H2BC12: variants seen among roughly 807,000 people sequenced by gnomAD.
H2BC12 encodes the protein histone H2B type 1-K.
A neutral mutation model predicts 6.3 loss-of-function variants in H2BC12; 6 were observed. The ratio of observed to expected loss-of-function variants is 0.95; its 90% CI spans 0.52 to 1.87. The LOEUF (loss-of-function observed/expected upper bound fraction) is 1.87. Among genes scored for constraint, H2BC12 ranks in the 40% most tolerant of loss-of-function variants. The pLI, the probability that H2BC12 is intolerant of heterozygous loss-of-function variation, is 0.01. For missense variants in H2BC12, 119 were observed against 178.4 expected, an observed-to-expected ratio of 0.67 and a Z score of 1.90; for synonymous variants, 132 against 78.5, an observed-to-expected ratio of 1.68 and a Z score of -3.60.
chr6:27,142,809 G>A (rs1239137509), downstream of H2BC12, among the ~76,000 whole-genome samples: 1 of 151,044 alleles, frequency 6.6e-6, no homozygotes, highest in Non-Finnish European at 1.5e-5. Flanking sequence ...ACTAATTTTT[G>A]TATTTTTAGC....
chr6:27,139,351 G>A, the H2BC12 span: 3 of 1,613,744 alleles, frequency 1.9e-6, no homozygotes, highest in African/African-American at 1.3e-5. Flanking sequence ...GGGGAAAGGG[G>A]GTGCCAAGCG....
At position 27,146,466 on chromosome 6, in the gene H2BC12, G is replaced by C. The variant is rs771098474; in HGVS notation, c.333C>G (p.Ala111=). The stretch of plus-strand genomic sequence containing the variant: ...TGACGGCCTTGGTGCCCTCGGACAC[G>C]GCGTGCTTGGCCAACTCCCCGGGCA... The part of the protein sequence containing the change: ...LLLPGELAKH[A]VSEGTKAVTK... Residue 111 remains alanine, a synonymous_variant, in exon 1 of 1, where the codon GCC becomes GCG. Transcript: ENST00000356950. 5.0e-6 allele frequency: 8 copies of C among 1,614,090 alleles called. No homozygotes were observed. Among genetic ancestry groups the C allele is most frequent in the African/African-American group, 1.3e-5 (1 of 74,934 alleles).
Position 27,146,744 on chromosome 6 carries a change from C to A in H2BC12, c.55G>T (p.Val19Leu). Residue 19 changes from valine (V) to leucine (L), a missense_variant, in exon 1 of 1, where the codon GTG becomes TTG. Physicochemically the swap from Val to Leu is conservative, Grantham distance 32. Transcript: ENST00000356950. ...CCGTCCTTCTTCTGCGCCTTAGTCA[C>A]GGCTTTCTTCGAGCCCTTCTTGGGC... ...PAPKKGSKKAVTKAQKKDGKK... is the reference protein window; with the variant it reads ...PAPKKGSKKALTKAQKKDGKK... The A allele has an allele frequency of 6.2e-6, 10 of 1,614,252 alleles. No homozygotes were observed. Among genetic ancestry groups the A allele is most frequent in the Non-Finnish European group, 7.6e-6 (9 of 1,180,042 alleles).
chr6:27,140,769 G>A, the H2BC12 span, among the ~76,000 whole-genome samples: 13 of 151,594 alleles, frequency 8.6e-5, no homozygotes, highest in African/African-American at 2.2e-4. Flanking sequence ...AGATTTTCCC[G>A]CTTTCCTCGG....
downstream of H2BC12, among the ~76,000 whole-genome samples, chr6:27,142,515 C>T (rs1035560703): frequency 6.6e-6 from 1 of 152,014 alleles, no homozygotes; most frequent in Non-Finnish European, 1.5e-5. Flanking sequence ...CCGCCTGCCT[C>T]GGCCTCCCAA....
downstream of H2BC12, among the ~76,000 whole-genome samples, chr6:27,145,266 T>C (rs1051588373): frequency 2.0e-5 from 3 of 148,700 alleles, no homozygotes; most frequent in Non-Finnish European, 4.4e-5. Context: ...CCCCAAAGAC[T>C]AGAACAATGC....
At chr6:27,139,166 T>TA in the H2BC12 span, 1 of 816,476 alleles carries the variant, frequency 1.2e-6, no homozygotes, top group Non-Finnish European at 1.9e-6. Context: ...ACAGCAGGCC[T>TA]GTTTCCCTTT....
downstream of H2BC12, among the ~76,000 whole-genome samples, chr6:27,145,037 T>C (rs1581434738): frequency 6.6e-6 from 1 of 152,148 alleles, no homozygotes; most frequent in Admixed American, 6.6e-5. Flanking sequence ...CTTCAAGTGA[T>C]CTGCCCTCCT....
downstream of H2BC12, among the ~76,000 whole-genome samples, chr6:27,143,846 T>TAAAAAAAAAAAA (rs34292040): frequency 7.0e-4 from 80 of 113,564 alleles, no homozygotes; most frequent in South Asian, 4.9e-3. Flanking sequence ...AACTACTCTT[T>TAAAAAAAAAAAA]AAAAAAAAAA....
rs758542811 is a variant in H2BC12, at chr6:27,146,764, T to G, written c.35A>C (p.Lys12Thr). ...AGTCACGGCTTTCTTCGAGCCCTTC[T>G]TGGGCGCGGGAGCGGACTTCGCTGG... ...PEPAKSAPAP[K>T]KGSKKAVTKA... is the part of the protein sequence containing the mutation. Residue 12 changes from lysine to threonine, a missense_variant, in exon 1 of 1, where the codon AAG becomes ACG. This residue lies in a region of H2BC12 where 50 missense variants were observed against 37.4 expected (regional missense o/e 1.34). Transcript: ENST00000356950. 6.2e-7 allele frequency: 1 copy of G among 1,614,216 alleles called. No individual in the cohort carries two copies.
downstream of H2BC12, among the ~76,000 whole-genome samples, chr6:27,146,114 A>G (rs1360053824): frequency 6.6e-6 from 1 of 152,172 alleles, no homozygotes; most frequent in Non-Finnish European, 1.5e-5. Context: ...GGAAGTATCC[A>G]TTTTCGCGCC....
the H2BC12 span, chr6:27,139,751 A>G: frequency 7.3e-7 from 1 of 1,370,040 alleles, no homozygotes; most frequent in Non-Finnish European, 9.7e-7. Context: ...CTGTCATCCT[A>G]TTTTACAAGA....
In H2BC12 at chr6:27,146,403, G is replaced by A. The variant is rs1554184564; in HGVS notation, c.*15C>T. ...AGCCTTTGGGGTTGGGCTTTAAGAC[G>A]CTTACTTGGCAAGTTTACTTAGCGC... On this transcript the variant is annotated 3_prime_UTR_variant, in exon 1 of 1. Transcript: ENST00000356950. The A allele has an allele frequency of 5.0e-6, 8 of 1,614,190 alleles. No individual in the cohort carries two copies. In the South Asian group the frequency reaches 6.6e-5, roughly 13 times the overall value.
chr6:27,146,150 A>G (rs753885277), downstream of H2BC12, among the ~76,000 whole-genome samples: 15 of 152,222 alleles, frequency 9.9e-5, no homozygotes, highest in Non-Finnish European at 1.9e-4. Context: ...CTTTCTGTTA[A>G]CACAAGTTTC....
downstream of H2BC12, among the ~76,000 whole-genome samples, chr6:27,144,549 G>A (rs1760047214): frequency 6.7e-6 from 1 of 150,302 alleles, no homozygotes; most frequent in Non-Finnish European, 1.5e-5. Context: ...GGTGAAAGCA[G>A]GAGAAAGTTA....
downstream of H2BC12, among the ~76,000 whole-genome samples, chr6:27,144,380 T>C (rs1760043225): frequency 7.1e-6 from 1 of 140,216 alleles, no homozygotes; most frequent in African/African-American, 2.7e-5. Flanking sequence ...GATAATCGCT[T>C]GAACCTGGGA....
chr6:27,138,448 A>G, the H2BC12 span: 1 of 152,226 alleles, frequency 6.6e-6, no homozygotes, highest in Non-Finnish European at 1.5e-5. Flanking sequence ...ACAGTAAATG[A>G]TTATTAGAGA....
the H2BC12 span, chr6:27,139,642 A>C: frequency 6.3e-7 from 1 of 1,587,936 alleles, no homozygotes; most frequent in South Asian, 1.2e-5. Context: ...AAGCCCAGTC[A>C]TTCTCTAAAA....
chr6:27,142,278 ACT>A (rs1760015388), downstream of H2BC12, among the ~76,000 whole-genome samples: 1 of 151,988 alleles, frequency 6.6e-6, no homozygotes, highest in Non-Finnish European at 1.5e-5. Context: ...AACTTTTTTA[ACT>A]TTTTTTTTGG....
Sources: allele counts gnomAD v4.1 joint callset (sites outside exome capture counted in the v4.1 genomes callset), GRCh38; gene constraint gnomAD v4.1.1; regional missense constraint gnomAD v4.1.1; transcripts MANE v1.5; gene names NCBI Gene and HGNC (gene_info 2026-07-23, HGNC 2026-07-21).